TUBGCP3: variants seen among roughly 807,000 people sequenced by gnomAD.
TUBGCP3 encodes the protein tubulin gamma complex component 3.
TUBGCP3 carries 50 observed loss-of-function variants against 123.1 expected under a neutral mutation model. That is an observed-to-expected ratio of 0.41 (90% CI 0.32 to 0.51). The LOEUF (loss-of-function observed/expected upper bound fraction) is 0.51, where lower values mean the gene tolerates loss of function less well. TUBGCP3 is among the 20% of genes least tolerant of loss of function. TUBGCP3 has a pLI of 0.36. For synonymous variants in TUBGCP3, 405 were observed against 413.9 expected (o/e 0.98, Z 0.26); for missense variants, 882 against 1,127.0 (o/e 0.78, Z 3.11).
intron 1 of TUBGCP3, among the ~76,000 whole-genome samples, chr13:112,586,833 TTAGATAAA>T (rs1487387784): frequency 1.3e-5 from 2 of 152,148 alleles, no homozygotes; most frequent in Non-Finnish European, 2.9e-5. Flanking sequence ...CAAAGATTTC[TTAGATAAA>T]TAAAGTGATA....
At chr13:112,529,189 T>A (rs759296945) in intron 11 of TUBGCP3, among the ~76,000 whole-genome samples, 1 of 152,198 alleles carries the variant, frequency 6.6e-6, no homozygotes, top group Non-Finnish European at 1.5e-5. Context: ...GAACTTGGTA[T>A]AATCCTGGCA....
chr13:112,549,173 A>T (rs539692722), intron 8 of TUBGCP3, among the ~76,000 whole-genome samples: 3 of 152,338 alleles, frequency 2.0e-5, no homozygotes, highest in African/African-American at 7.2e-5. Context: ...TGATGAGTTC[A>T]TGTCCTTTGT....
At chr13:112,512,934 A>G (rs993532309) in intron 17 of TUBGCP3, among the ~76,000 whole-genome samples, 3 of 152,240 alleles carry the variant, frequency 2.0e-5, no homozygotes, top group Non-Finnish European at 4.4e-5. Flanking sequence ...TCAGACTTCT[A>G]TTAGAACCTG....
chr13:112,604,853 A>G, the TUBGCP3 span: 1 of 152,196 alleles, frequency 6.6e-6, no homozygotes, highest in East Asian at 1.9e-4. Flanking sequence ...CTATGTCATC[A>G]AAAAGGCTAA....
At chr13:112,568,585 C>T (rs1162775119) in intron 2 of TUBGCP3, among the ~76,000 whole-genome samples, 11 of 152,188 alleles carry the variant, frequency 7.2e-5, no homozygotes, top group African/African-American at 2.7e-4. Flanking sequence ...GATGTTATTA[C>T]TGAGACCCAA....
chr13:112,494,323 T>C (rs1269241772), intron 20 of TUBGCP3, among the ~76,000 whole-genome samples: 2 of 152,352 alleles, frequency 1.3e-5, no homozygotes, highest in East Asian at 3.9e-4. Context: ...GTTATTCCAG[T>C]TTATCCAGAA....
the TUBGCP3 span, chr13:112,603,760 A>G: frequency 6.6e-6 from 1 of 152,196 alleles, no homozygotes; most frequent in African/African-American, 2.4e-5. Context: ...AACAGTCACA[A>G]ATTTATCATG....
intron 1 of TUBGCP3, among the ~76,000 whole-genome samples, chr13:112,581,454 T>C (rs1882268175): frequency 6.6e-6 from 1 of 152,084 alleles, no homozygotes; most frequent in Non-Finnish European, 1.5e-5. Flanking sequence ...TTTAAGAATT[T>C]TTTTTTTCCC....
intron 16 of TUBGCP3, 86 bp from the exon 17 acceptor site, chr13:112,516,661 C>A: frequency 1.4e-6 from 2 of 1,429,032 alleles, no homozygotes; most frequent in East Asian, 2.5e-5. Flanking sequence ...TAAAAAGGTA[C>A]ATTTTAGCAA....
chr13:112,488,509 C>T (rs1422573589), intron 21 of TUBGCP3, among the ~76,000 whole-genome samples: 9 of 152,214 alleles, frequency 5.9e-5, no homozygotes, highest in African/African-American at 2.2e-4. Flanking sequence ...GTCTCAGGGA[C>T]AGTCCCCATC....
intron 8 of TUBGCP3, among the ~76,000 whole-genome samples, chr13:112,549,718 A>G (rs755820399): frequency 1.2e-3 from 184 of 152,138 alleles, no homozygotes; most frequent in Non-Finnish European, 1.8e-3. Flanking sequence ...GGCCGGGTGC[A>G]GTGGCTCACG....
At chr13:112,497,596 T>C (rs1880608850) in intron 20 of TUBGCP3, among the ~76,000 whole-genome samples, 1 of 152,216 alleles carries the variant, frequency 6.6e-6, no homozygotes, top group South Asian at 2.1e-4. Flanking sequence ...GACAGACACA[T>C]GCTGAGAAAC....
rs1297581729 is a variant in TUBGCP3 at position 112,549,965 on chromosome 13, G to A, written c.967-1789C>T. Among the ~76,000 whole-genome samples, 14 of 147,214 alleles carry A rather than the reference G, an allele frequency of 9.5e-5. No individual in the cohort carries two copies. The Admixed American group carries it at 9.6e-4, about 10-fold the overall frequency. On this transcript the variant is annotated intron_variant, in intron 8 of 21. Transcript: ENST00000261965. ...AGATCACAACACTGCACTTCAGCCT[G>A]GGCGACAGGGTGAGACTCCATCTCA...
At chr13:112,605,547 G>C in the TUBGCP3 span, 1 of 152,182 alleles carries the variant, frequency 6.6e-6, no homozygotes, top group African/African-American at 2.4e-5. Flanking sequence ...TCCACCATTT[G>C]ACCAGGCAGT....
upstream of TUBGCP3, among the ~76,000 whole-genome samples, chr13:112,589,675 A>T (rs1440247331): frequency 6.6e-6 from 1 of 152,242 alleles, no homozygotes; most frequent in African/African-American, 2.4e-5. Flanking sequence ...TTTCAGAATT[A>T]TGGCAAGCCA....
At chr13:112,532,061 T>C (rs1877621015) in intron 11 of TUBGCP3, among the ~76,000 whole-genome samples, 1 of 152,198 alleles carries the variant, frequency 6.6e-6, no homozygotes, top group East Asian at 1.9e-4. Flanking sequence ...GATCCATTAA[T>C]ACAGACCATA....
intron 1 of TUBGCP3, among the ~76,000 whole-genome samples, chr13:112,585,712 G>A (rs2139341209): frequency 6.6e-6 from 1 of 152,204 alleles, no homozygotes; most frequent in East Asian, 1.9e-4. Flanking sequence ...AGGTTGCAGT[G>A]AGCCCAGATC....
intron 2 of TUBGCP3, among the ~76,000 whole-genome samples, chr13:112,567,673 C>T (rs1325326418): frequency 6.6e-6 from 1 of 152,168 alleles, no homozygotes; most frequent in African/African-American, 2.4e-5. Flanking sequence ...TTTCAGACTC[C>T]CACTGCTCGT....
intron 1 of TUBGCP3, chr13:112,584,112 G>A (rs1241402486): frequency 1.3e-5 from 2 of 152,364 alleles, no homozygotes; most frequent in East Asian, 3.9e-4. Flanking sequence ...TCAGGTTCTT[G>A]TGAAATCACA....
Sources: allele counts gnomAD v4.1 joint callset (sites outside exome capture counted in the v4.1 genomes callset), GRCh38; gene constraint gnomAD v4.1.1; transcripts MANE v1.5; gene names NCBI Gene and HGNC (gene_info 2026-07-23, HGNC 2026-07-21).